Variants in FRMD4A observed in about 807,000 individuals in gnomAD.
FRMD4A encodes FERM domain containing 4A.
A neutral mutation model predicts 129.1 loss-of-function variants in FRMD4A; 29 were observed. The observed-to-expected ratio is 0.22, with a 90% CI of 0.17 to 0.31. The LOEUF (loss-of-function observed/expected upper bound fraction) is 0.31. Among genes scored for constraint, FRMD4A ranks in the 10% least tolerant of loss-of-function variants. FRMD4A has a pLI of 1.00. For missense variants in FRMD4A, 1,272 were observed against 1,375.8 expected, an observed-to-expected ratio of 0.92 and a Z score of 1.19; for synonymous variants, 634 against 571.6, an observed-to-expected ratio of 1.11 and a Z score of -1.56.
At chr10:13,679,315 C>T (rs920444288) in intron 15 of FRMD4A, among the ~76,000 whole-genome samples, 2 of 147,590 alleles carry the variant, frequency 1.4e-5, no homozygotes, top group Non-Finnish European at 1.5e-5. Flanking sequence ...GTAATCCCAG[C>T]CAGTTGGGTG....
intron 3 of FRMD4A, among the ~76,000 whole-genome samples, chr10:13,843,248 C>A (rs2093995090): frequency 6.6e-6 from 1 of 152,148 alleles, no homozygotes; most frequent in Non-Finnish European, 1.5e-5. Context: ...GGGGTGCCGA[C>A]CGGGAACTTG....
chr10:13,733,372 T>TG (rs1194750663), intron 12 of FRMD4A, among the ~76,000 whole-genome samples: 5 of 152,162 alleles, frequency 3.3e-5, no homozygotes, highest in African/African-American at 7.2e-5. Context: ...CTTAGCGGGG[T>TG]GGGGGGGTAC....
At chr10:14,048,433 T>C (rs11258829) in intron 2 of FRMD4A, among the ~76,000 whole-genome samples, 59,076 of 152,134 alleles carry the variant, frequency 0.39, 14,019 homozygotes, top group Non-Finnish European at 0.54. Flanking sequence ...AATTTCACAG[T>C]AGTAAAAACA....
At chr10:13,793,339 T>G (rs919139941) in intron 5 of FRMD4A, among the ~76,000 whole-genome samples, 1 of 152,088 alleles carries the variant, frequency 6.6e-6, no homozygotes, top group Non-Finnish European at 1.5e-5. Flanking sequence ...TCCTAGCTAA[T>G]TTTTGTATTT....
intron 2 of FRMD4A, among the ~76,000 whole-genome samples, chr10:13,925,566 C>CTTTTTTTTTGTTTTTTTT (rs2095122826): frequency 1.6e-5 from 1 of 61,938 alleles, no homozygotes; most frequent in South Asian, 9.1e-4. Flanking sequence ...TAGTGAAACG[C>CTTTTTTTTTGTTTTTTTT]TTTTTTTTTT....
At chr10:13,652,094 AC>A (rs1456612993) in intron 23 of FRMD4A, 120 bp from the exon 24 acceptor site, 2 of 718,382 alleles carry the variant, frequency 2.8e-6, no homozygotes, top group Non-Finnish European at 2.6e-6. Context: ...CTGATTAGAC[AC>A]CTGAGTTAGC....
chr10:13,709,374 C>T (rs2087787927), intron 12 of FRMD4A, among the ~76,000 whole-genome samples: 1 of 152,148 alleles, frequency 6.6e-6, no homozygotes. Context: ...TCAGCAGCCA[C>T]AGATCGTAGC....
At chr10:14,080,063 G>C (rs1835837477) in intron 2 of FRMD4A, among the ~76,000 whole-genome samples, 1 of 152,192 alleles carries the variant, frequency 6.6e-6, no homozygotes, top group African/African-American at 2.4e-5. Context: ...CTTTAAGCAG[G>C]AATTGAATGT....
At chr10:14,266,332 A>G (rs1844977484) in intron 2 of FRMD4A, among the ~76,000 whole-genome samples, 1 of 152,162 alleles carries the variant, frequency 6.6e-6, no homozygotes, top group African/African-American at 2.4e-5. Context: ...CCAATTAAGA[A>G]CCACTGTTTA....
intron 11 of FRMD4A, among the ~76,000 whole-genome samples, chr10:13,739,936 C>G (rs1470112712): frequency 6.6e-6 from 1 of 152,152 alleles, no homozygotes; most frequent in Non-Finnish European, 1.5e-5. Context: ...CTCGTCTCTA[C>G]TAAAAATACA....
intron 2 of FRMD4A, among the ~76,000 whole-genome samples, chr10:14,031,058 G>C (rs1276395240): frequency 6.6e-6 from 1 of 152,146 alleles, no homozygotes; most frequent in South Asian, 2.1e-4. Context: ...TCTTTTCTCA[G>C]TCTTGCCATC....
chr10:14,114,551 C>A (rs1226695434), intron 2 of FRMD4A, among the ~76,000 whole-genome samples: 1 of 152,124 alleles, frequency 6.6e-6, no homozygotes, highest in East Asian at 1.9e-4. Context: ...GAGAGGAAGA[C>A]CCAAAAAGAG....
chr10:13,648,267 G>A (rs1000531143), intron 24 of FRMD4A: 3 of 152,224 alleles, frequency 2.0e-5, no homozygotes, highest in African/African-American at 7.2e-5. Flanking sequence ...CTGGCCATGG[G>A]TATTACTATA....
intron 2 of FRMD4A, among the ~76,000 whole-genome samples, chr10:14,203,605 C>G (rs576940172): frequency 3.3e-5 from 5 of 152,290 alleles, no homozygotes; most frequent in African/African-American, 1.2e-4. Context: ...TTTCTTACAG[C>G]CTTCATTATT....
chr10:13,717,681 CTGT>C (rs1396024510), intron 12 of FRMD4A, among the ~76,000 whole-genome samples: 10 of 124,044 alleles, frequency 8.1e-5, no homozygotes, highest in Admixed American at 9.4e-5. Context: ...AGGGAGAAAC[CTGT>C]TGTTCTTGTT....
At chr10:14,084,736 C>T (rs866360851) in intron 2 of FRMD4A, among the ~76,000 whole-genome samples, 1 of 152,118 alleles carries the variant, frequency 6.6e-6, no homozygotes, top group South Asian at 2.1e-4. Context: ...ACAACTAGGA[C>T]CCCCCATATA....
intron 3 of FRMD4A, among the ~76,000 whole-genome samples, chr10:13,849,028 G>T (rs1271846356): frequency 6.6e-6 from 1 of 152,196 alleles, no homozygotes; most frequent in Non-Finnish European, 1.5e-5. Context: ...ACCCCTGGGG[G>T]CTGGGAAGAC....
At chr10:14,164,937 C>G (rs557541751) in intron 2 of FRMD4A, among the ~76,000 whole-genome samples, 1 of 152,020 alleles carries the variant, frequency 6.6e-6, no homozygotes, top group East Asian at 1.9e-4. Context: ...TTATGTGTGG[C>G]CCAAGACAAT....
chr10:13,951,223 C>A (rs2095368289), intron 2 of FRMD4A, among the ~76,000 whole-genome samples: 1 of 152,002 alleles, frequency 6.6e-6, no homozygotes, highest in African/African-American at 2.4e-5. Flanking sequence ...GGAGGGACAG[C>A]AGGAGCAGAG....
Sources: allele counts gnomAD v4.1 joint callset (sites outside exome capture counted in the v4.1 genomes callset), GRCh38; gene constraint gnomAD v4.1.1; transcripts MANE v1.5; gene names NCBI Gene and HGNC (gene_info 2026-07-23, HGNC 2026-07-21).